SIGLEC12: variants seen among roughly 807,000 people sequenced by gnomAD.
The protein encoded by SIGLEC12 is sialic acid binding Ig like lectin 12, also known as sialic acid-binding Ig-like lectin 12.
A neutral mutation model predicts 54.1 loss-of-function variants in SIGLEC12; 43 were observed. The ratio of observed to expected loss-of-function variants is 0.80; its 90% CI spans 0.62 to 1.03. The LOEUF (loss-of-function observed/expected upper bound fraction) is 1.03. Ranked by LOEUF, SIGLEC12 falls within the 50% of genes least tolerant of loss-of-function variation. The probability of loss-of-function intolerance (pLI) is 0.00; values close to 1 mark genes in which losing one functional copy is unlikely to be tolerated. For synonymous variants in SIGLEC12, 357 were observed against 307.6 expected, an observed-to-expected ratio of 1.16 and a Z score of -1.68; for missense variants, 802 against 735.2, an observed-to-expected ratio of 1.09 and a Z score of -1.05.
chr19:51,501,493 G>T lies in SIGLEC12; in HGVS notation c.241C>A (p.Pro81Thr), dbSNP rs2034891. ...GTCTCCTCCTGCACTGCTCGAGCTG[G>T]GTTGTTTGTGGCCACTGGAATGTTC... The part of the protein sequence containing the change: ...SRNIPVATNN[P>T]ARAVQEETRD... The change falls in exon 1 of 8, where the codon CCA (proline) becomes ACA (threonine). Residue 81 changes from proline (P) to threonine (T), a missense_variant. Transcript: ENST00000291707. The T allele has an allele frequency of 0.035, 56,627 of 1,613,240 alleles. 1,741 individuals are homozygous for T. Among genetic ancestry groups the T allele is most frequent in the South Asian group, 0.13 (11,673 of 91,026 alleles).
chr19:51,498,362 G>A, intron 4 of SIGLEC12, 75 bp from the exon 5 acceptor site: 8 of 1,327,538 alleles, frequency 6.0e-6, no homozygotes, highest in Non-Finnish European at 8.2e-6. Flanking sequence ...GAAAGAGAGT[G>A]GTGAATGGAA....
intron 7 of SIGLEC12, among the ~76,000 whole-genome samples, chr19:51,494,036 G>T (rs762980685): frequency 6.6e-6 from 1 of 152,130 alleles, no homozygotes; most frequent in Non-Finnish European, 1.5e-5. Context: ...CGTCCTTGTG[G>T]ATCCTCTCAC....
chr19:51,497,217 T>C, intron 6 of SIGLEC12, 132 bp downstream of exon 6: 2 of 918,816 alleles, frequency 2.2e-6, no homozygotes, highest in Non-Finnish European at 3.4e-6. Context: ...ATTCTTACCA[T>C]GCACCCATGA....
Position 51,499,191 on chromosome 19 carries a change from C to T in SIGLEC12, c.1114G>A (p.Val372Ile). 6.2e-7 allele frequency: 1 copy of T among 1,614,098 alleles called. No individual in the cohort carries two copies. Among genetic ancestry groups the T allele is most frequent in the Non-Finnish European group, 8.5e-7 (1 of 1,179,968 alleles). Reference sequence around the variant, plus strand: ...TTACCTGTGCCATCTCCTTGGAAGACAGTCATGGTCAAGTTCTGAGGAGGA... The same window carrying T: ...TTACCTGTGCCATCTCCTTGGAAGATAGTCATGGTCAAGTTCTGAGGAGGA... ...SYPPQNLTMT[V>I]FQGDGTASTT... Residue 372 changes from valine to isoleucine, a missense_variant, in exon 4 of 8, where the codon GTC becomes ATC. By Grantham distance (29) the Val-to-Ile change is conservative. Transcript: ENST00000291707.
chr19:51,500,398 T>A, intron 1 of SIGLEC12, 98 bp from the exon 2 acceptor site: 3 of 1,600,204 alleles, frequency 1.9e-6, no homozygotes, highest in Non-Finnish European at 2.6e-6. Context: ...CTTCCTGGGC[T>A]CCCTGTGTGA....
intron 4 of SIGLEC12, among the ~76,000 whole-genome samples, chr19:51,498,852 T>C (rs1414155547): frequency 2.0e-5 from 3 of 152,178 alleles, no homozygotes; most frequent in Non-Finnish European, 4.4e-5. Context: ...CAAAAGAATA[T>C]ACCTCAGAAC....
chr19:51,498,526 T>G (rs1275637189), intron 4 of SIGLEC12, among the ~76,000 whole-genome samples: 1 of 152,228 alleles, frequency 6.6e-6, no homozygotes, highest in Admixed American at 6.5e-5. Context: ...TTTTAGGACT[T>G]TATTCCATAC....
Position 51,501,481 on chromosome 19 carries a change from C to G in SIGLEC12, c.253G>C (p.Val85Leu). Residue 85 changes from valine to leucine, a missense_variant, in exon 1 of 8, where the codon GTG becomes CTG. Physicochemically the swap from Val to Leu is conservative, Grantham distance 32. Transcript: ENST00000291707. ...PVATNNPARA[V>L]QEETRDRFHL... ...AATCGGTCCCGAGTCTCCTCCTGCACTGCTCGAGCTGGGTTGTTTGTGGCC... is the reference window on the plus strand; with the variant it reads ...AATCGGTCCCGAGTCTCCTCCTGCAGTGCTCGAGCTGGGTTGTTTGTGGCC... The G allele has an allele frequency of 6.2e-7, 1 of 1,613,998 alleles. No homozygotes were observed. The highest frequency in any genetic ancestry group is 8.5e-7 in the Non-Finnish European group (1 of 1,179,904).
In SIGLEC12 at chr19:51,496,917, A is replaced by G. The variant is rs1599952935; in HGVS notation, c.1562T>C (p.Met521Thr). Residue 521 changes from methionine to threonine, a missense_variant, in exon 7 of 8, where the codon ATG becomes ACG. Coordinates refer to ENST00000291707, the MANE Select transcript of SIGLEC12 (RefSeq NM_053003.4). ...RPAVGVGDTG[M>T]EDANAVRGSA... ...GCCCCTGACAGCGTTTGCGTCCTCC[A>G]TGCCTGTATCCCCCACGCCCACTGC... 2.5e-6 allele frequency: 4 copies of G among 1,613,814 alleles called. No homozygotes were observed. The highest frequency in any genetic ancestry group is 3.4e-6 in the Non-Finnish European group (4 of 1,180,014).
chr19:51,501,220 C>G (rs960040481), intron 1 of SIGLEC12, 87 bp downstream of exon 1: 4 of 1,419,826 alleles, frequency 2.8e-6, no homozygotes, highest in Admixed American at 1.8e-5. Flanking sequence ...ACCCCCGGCC[C>G]CCTCCCAGGA....
intron 7 of SIGLEC12, among the ~76,000 whole-genome samples, chr19:51,493,437 C>T (rs1990156778): frequency 6.6e-6 from 1 of 152,334 alleles, no homozygotes; most frequent in South Asian, 2.1e-4. Flanking sequence ...AATTTACACC[C>T]AGCCCTCTCC....
intron 1 of SIGLEC12, 153 bp from the exon 2 acceptor site, chr19:51,500,453 C>T: frequency 2.1e-6 from 3 of 1,401,600 alleles, no homozygotes; most frequent in East Asian, 4.9e-5. Context: ...GTGGGACCCA[C>T]AGGGGGCTGG....
At chr19:51,494,254 T>C (rs56334594) in intron 7 of SIGLEC12, among the ~76,000 whole-genome samples, 17,530 of 152,200 alleles carry the variant, frequency 0.12, 1,098 homozygotes, top group Middle Eastern at 0.24. Context: ...ATTAAAAAAA[T>C]TCTTAGAACT....
intron 7 of SIGLEC12, among the ~76,000 whole-genome samples, chr19:51,495,091 T>C (rs377089114): frequency 3.9e-4 from 59 of 152,124 alleles, no homozygotes; most frequent in African/African-American, 1.3e-3. Flanking sequence ...AGGTGGTAAA[T>C]TTTATGTTAT....
intron 6 of SIGLEC12, 42 bp from the exon 7 acceptor site, chr19:51,497,018 G>A (rs763410207): frequency 4.3e-5 from 69 of 1,611,950 alleles, no homozygotes; most frequent in Admixed American, 8.3e-5. Flanking sequence ...TGGTCAGATC[G>A]GGGTGCAGTG....
At chr19:51,501,209 C>T in intron 1 of SIGLEC12, 98 bp downstream of exon 1, 1 of 1,316,758 alleles carries the variant, frequency 7.6e-7, no homozygotes, top group Non-Finnish European at 1.1e-6. Context: ...CTGAGTCCAT[C>T]ACCCCCGGCC....
At position 51,500,247 on chromosome 19, in the gene SIGLEC12, C is replaced by G. The variant is rs1443715020; in HGVS notation, c.481G>C (p.Val161Leu). ...YRLEVPESVT[V>L]QEGLCVSVPC... ...ACAGAGACACACAGACCCTCCTGCA[C>G]AGTCACCGACTCTGGCACCTCCAGC... The change falls in exon 2 of 8, where the codon GTG (valine) becomes CTG (leucine). Residue 161 changes from valine to leucine, a missense_variant. Physicochemically the swap from Val to Leu is conservative, Grantham distance 32. Transcript: ENST00000291707. 4 of 1,614,078 alleles carry G rather than the reference C, an allele frequency of 2.5e-6. No individual in the cohort carries two copies. The East Asian group carries it at 6.7e-5, about 27-fold the overall frequency.
chr19:51,499,805 C>G, intron 2 of SIGLEC12, 89 bp from the exon 3 acceptor site: 1 of 1,556,988 alleles, frequency 6.4e-7, no homozygotes, highest in Non-Finnish European at 8.7e-7. Context: ...TTACTCCTCC[C>G]CTGAGCCAGA....
At chr19:51,498,799 C>T (rs1223947970) in intron 4 of SIGLEC12, among the ~76,000 whole-genome samples, 2 of 152,190 alleles carry the variant, frequency 1.3e-5, no homozygotes, top group African/African-American at 2.4e-5. Context: ...ACAGACTCTG[C>T]TGTGCATTAT....
Sources: allele counts gnomAD v4.1 joint callset (sites outside exome capture counted in the v4.1 genomes callset), GRCh38; gene constraint gnomAD v4.1.1; transcripts MANE v1.5; gene names NCBI Gene and HGNC (gene_info 2026-07-23, HGNC 2026-07-21).